The following DOCK1 variants were observed in gnomAD, a reference collection of about 807,000 sequenced individuals.
The protein encoded by DOCK1 is dedicator of cytokinesis 1, also known as dedicator of cytokinesis protein 1.
DOCK1 carries 138 observed loss-of-function variants against 262.7 expected under a neutral mutation model. The ratio of observed to expected loss-of-function variants is 0.53; its 90% confidence interval spans 0.46 to 0.61. The LOEUF (loss-of-function observed/expected upper bound fraction) is 0.61. Ranked by LOEUF, DOCK1 falls within the 20% of genes least tolerant of loss-of-function variation. The probability of loss-of-function intolerance (pLI) is 0.00; values close to 1 mark genes in which losing one functional copy is unlikely to be tolerated. For missense variants in DOCK1, 1,908 were observed against 2,370.7 expected (o/e 0.80, Z 4.05); for synonymous variants, 866 against 867.4 (o/e 1.00, Z 0.03).
intron 32 of DOCK1, 134 bp from the exon 33 acceptor site, chr10:127,361,930 C>T (rs1334451504): frequency 1.4e-5 from 14 of 1,022,550 alleles, no homozygotes; most frequent in East Asian, 2.6e-5. Context: ...TCTGCAGACG[C>T]GAAATGGATG....
At chr10:127,265,617 G>T (rs1178149729) in intron 29 of DOCK1, among the ~76,000 whole-genome samples, 1 of 152,186 alleles carries the variant, frequency 6.6e-6, no homozygotes, top group African/African-American at 2.4e-5. Flanking sequence ...TGCCATATAT[G>T]ATGTCTATGG....
intron 1 of DOCK1, among the ~76,000 whole-genome samples, chr10:126,925,610 T>G (rs1591335063): frequency 6.6e-6 from 1 of 152,128 alleles, no homozygotes; most frequent in African/African-American, 2.4e-5. Context: ...TCTCGATCTC[T>G]TGATCTCGTG....
chr10:126,984,351 G>T (rs1485228571), intron 4 of DOCK1, among the ~76,000 whole-genome samples: 6 of 152,036 alleles, frequency 3.9e-5, no homozygotes, highest in Non-Finnish European at 5.9e-5. Context: ...TTTGTATTGT[G>T]TATTTTTATT....
At chr10:127,091,237 C>G (rs1591986456) in intron 23 of DOCK1, among the ~76,000 whole-genome samples, 1 of 152,184 alleles carries the variant, frequency 6.6e-6, no homozygotes, top group Non-Finnish European at 1.5e-5. Flanking sequence ...CCCGACTTGG[C>G]CTCCCAAAGT....
chr10:126,905,592 T>A, intron 1 of DOCK1, 29 bp downstream of exon 1: 1 of 355,684 alleles, frequency 2.8e-6, no homozygotes, highest in South Asian at 6.9e-5. Context: ...GCCGCGCCTC[T>A]CGCCCCAAGC....
chr10:127,117,055 A>G (rs1205681462), intron 25 of DOCK1, among the ~76,000 whole-genome samples: 1 of 152,304 alleles, frequency 6.6e-6, no homozygotes, highest in South Asian at 2.1e-4. Flanking sequence ...GTTTTTGAAA[A>G]GACCATTTGT....
At chr10:127,323,311 TG>T (rs2062617219) in intron 29 of DOCK1, among the ~76,000 whole-genome samples, 1 of 152,186 alleles carries the variant, frequency 6.6e-6, no homozygotes, top group African/African-American at 2.4e-5. Context: ...GGTGCTGGTG[TG>T]TGTCTTGCAC....
chr10:127,093,239 C>CT lies in DOCK1; in HGVS notation c.2446-12990dup, dbSNP rs372397425. ...CTTTCTTTTCTTTCTTTCTTTCTTT[C>CT]TTCTTTTTTTTTTTTTTTTTTTTGG... On this transcript the variant is annotated intron_variant, in intron 23 of 51. Coordinates refer to ENST00000623213, the MANE Select transcript of DOCK1 (RefSeq NM_001290223.2). 8.8e-3 allele frequency among the ~76,000 whole-genome samples: 826 copies of CT among 93,738 alleles called. 24 individuals are homozygous for CT. The highest frequency in any genetic ancestry group is 0.033 in the African/African-American group (655 of 20,132). The allele number at this position is 93,738 out of a possible 152,430, so 61.5% of individuals were successfully genotyped here.
At chr10:127,124,880 G>A (rs1447489653) in intron 25 of DOCK1, among the ~76,000 whole-genome samples, 1 of 152,130 alleles carries the variant, frequency 6.6e-6, no homozygotes, top group Non-Finnish European at 1.5e-5. Flanking sequence ...GCAAATTAGT[G>A]AATTTGTAGT....
chr10:127,011,531 A>G (rs55815827), intron 11 of DOCK1, among the ~76,000 whole-genome samples: 25,810 of 152,024 alleles, frequency 0.17, 2,469 homozygotes, highest in Non-Finnish European at 0.21. Context: ...GCTACATGGT[A>G]TTTCTATTTG....
chr10:127,419,545 T>G, intron 45 of DOCK1, 121 bp from the exon 46 acceptor site: 4 of 915,382 alleles, frequency 4.4e-6, no homozygotes, highest in Non-Finnish European at 6.7e-6. Flanking sequence ...GAGTCTGCAG[T>G]GAGCTTCGTG....
intron 27 of DOCK1, among the ~76,000 whole-genome samples, chr10:127,195,523 T>TC (rs144810960): frequency 0.12 from 18,387 of 148,118 alleles, 1,356 homozygotes; most frequent in South Asian, 0.21. Context: ...TTCCAACTCA[T>TC]CCCCCCCCCG....
intron 23 of DOCK1, among the ~76,000 whole-genome samples, chr10:127,069,182 C>T (rs372239665): frequency 2.0e-4 from 31 of 152,276 alleles, no homozygotes; most frequent in African/African-American, 3.8e-4. Context: ...CTAGAGCTCC[C>T]GTCTGTTTCT....
Position 127,250,635 on chromosome 10 carries a change from A to G in DOCK1, c.2949+2526A>G, listed in dbSNP as rs930070176. Among the ~76,000 whole-genome samples, 67 of 151,868 alleles carry G rather than the reference A, an allele frequency of 4.4e-4. 1 individual carries two copies. The highest frequency in any genetic ancestry group is 2.0e-4 in the Admixed American group (3 of 15,268). ...GCAAAACCCCGTCTCCACTAAAAAT[A>G]TAAAAATTAGCCAGGCATGGTTGGG... is the stretch of plus-strand genomic sequence containing the variant. On this transcript the variant is annotated intron_variant, in intron 28 of 51. Transcript: ENST00000623213.
intron 1 of DOCK1, among the ~76,000 whole-genome samples, chr10:126,940,820 A>C (rs2034925288): frequency 6.6e-6 from 1 of 152,236 alleles, no homozygotes; most frequent in East Asian, 1.9e-4. Context: ...TTGTATTGAC[A>C]AGAACTGGAG....
At chr10:127,157,710 T>C (rs2053218154) in intron 27 of DOCK1, among the ~76,000 whole-genome samples, 1 of 152,236 alleles carries the variant, frequency 6.6e-6, no homozygotes, top group Non-Finnish European at 1.5e-5. Context: ...AGTTTCTAAA[T>C]ATATGTATGT....
intron 23 of DOCK1, among the ~76,000 whole-genome samples, chr10:127,083,340 A>G (rs961757563): frequency 5.3e-5 from 8 of 152,160 alleles, no homozygotes; most frequent in African/African-American, 1.9e-4. Context: ...TCCAAGCTGG[A>G]CGAGCAGTCC....
At chr10:127,028,129 A>G (rs1323000084) in intron 16 of DOCK1, among the ~76,000 whole-genome samples, 1 of 152,102 alleles carries the variant, frequency 6.6e-6, no homozygotes, top group Non-Finnish European at 1.5e-5. Context: ...TCCTGTCCCA[A>G]CAGTGCATGC....
Position 127,100,590 on chromosome 10 carries a change from G to A in DOCK1, c.2446-5641G>A, listed in dbSNP as rs571188246. On this transcript the variant is annotated intron_variant, in intron 23 of 51. Coordinates refer to ENST00000623213, the MANE Select transcript of DOCK1 (RefSeq NM_001290223.2). The surrounding 1 kb of genome is among the most constrained non-coding windows in gnomAD (Gnocchi z 5.5). ...AGAATTGGGAGTCATTGGCATGGCAGGAGGTGAGGTCCCTTGTGGGATATG... is the reference window on the plus strand; with the variant it reads ...AGAATTGGGAGTCATTGGCATGGCAAGAGGTGAGGTCCCTTGTGGGATATG... 6.6e-6 allele frequency among the ~76,000 whole-genome samples: 1 copy of A among 152,116 alleles called. No individual in the cohort carries two copies. Among genetic ancestry groups the A allele is most frequent in the African/African-American group, 2.4e-5 (1 of 41,442 alleles).
Sources: gnomAD v4.1 joint callset for allele counts (sites outside exome capture counted in the v4.1 genomes callset) on GRCh38, gnomAD v4.1.1 for gene constraint, Gnocchi (gnomAD v3.1) non-coding constraint, MANE v1.5 for transcripts, NCBI Gene and HGNC (gene_info 2026-07-23, HGNC 2026-07-21) for gene names.